ZSCAN4: variants seen among roughly 807,000 people sequenced by gnomAD.
ZSCAN4 encodes zinc finger and SCAN domain-containing protein 4.
A neutral mutation model predicts 18.3 loss-of-function variants in ZSCAN4; 18 were observed. That is an observed-to-expected ratio of 0.98 (90% CI 0.68 to 1.46). The LOEUF (loss-of-function observed/expected upper bound fraction) is 1.46. ZSCAN4 is among the 40% of genes most tolerant of loss of function. The probability of loss-of-function intolerance (pLI) is 0.00; values close to 1 mark genes in which losing one functional copy is unlikely to be tolerated. For synonymous variants in ZSCAN4, 193 were observed against 180.3 expected (o/e 1.07, Z -0.57); for missense variants, 498 against 511.4 (o/e 0.97, Z 0.25).
the ZSCAN4 span, among the ~76,000 whole-genome samples, chr19:57,662,309 A>T: frequency 6.6e-6 from 1 of 152,016 alleles, no homozygotes; most frequent in Non-Finnish European, 1.5e-5. Context: ...TCTCAGGATT[A>T]TATCTTTTTA....
At chr19:57,658,886 T>C in the ZSCAN4 span, among the ~76,000 whole-genome samples, 1 of 136,766 alleles carries the variant, frequency 7.3e-6, no homozygotes, top group Non-Finnish European at 1.6e-5. Context: ...CTCTCAAAAA[T>C]ACTCTTCCTT....
chr19:57,673,492 G>C (rs1452947558), intron 2 of ZSCAN4, among the ~76,000 whole-genome samples: 1 of 152,044 alleles, frequency 6.6e-6, no homozygotes, highest in East Asian at 1.9e-4. Flanking sequence ...AAAATTAGCT[G>C]AGTGTGGTGC....
chr19:57,666,254 T>C (rs1242820082), upstream of ZSCAN4, among the ~76,000 whole-genome samples: 3 of 152,038 alleles, frequency 2.0e-5, no homozygotes, highest in Non-Finnish European at 4.4e-5. Flanking sequence ...TTCCACGGGG[T>C]GATCCACGCA....
rs146350637 is a variant in ZSCAN4 at position 57,678,754 on chromosome 19, G to A, written c.1151G>A (p.Arg384Gln). The stretch of plus-strand genomic sequence containing the variant: ...TCCTTCAGCCACAAAACCAACCTGC[G>A]GTCTCATGAGAGAATCCACACAGGA... The change falls in exon 5 of 5, where the codon CGG (arginine) becomes CAG (glutamine). Residue 384 changes from arginine to glutamine, a missense_variant. By Grantham distance (43) the Arg-to-Gln change is conservative. Transcript: ENST00000318203. 63 of 1,613,998 alleles carry A rather than the reference G, an allele frequency of 3.9e-5. No individual in the cohort carries two copies. The South Asian group carries it at 4.6e-4, about 12-fold the overall frequency.
At chr19:57,669,466 C>T (rs539897569) in intron 1 of ZSCAN4, among the ~76,000 whole-genome samples, 3 of 152,208 alleles carry the variant, frequency 2.0e-5, no homozygotes, top group Admixed American at 6.5e-5. Flanking sequence ...CTACCTCTGT[C>T]GCCCAGGCTG....
chr19:57,676,321 G>A (rs1451169523), exon 3 of ZSCAN4: 1 of 1,614,158 alleles, frequency 6.2e-7, no homozygotes, highest in Non-Finnish European at 8.5e-7. Flanking sequence ...TCATATGCAA[G>A]GCAGGAATTG....
chr19:57,677,187 G>C (rs115553429), intron 3 of ZSCAN4, among the ~76,000 whole-genome samples: 2,496 of 152,250 alleles, frequency 0.016, 70 homozygotes, highest in African/African-American at 0.057. Context: ...AATTACGGTA[G>C]ATCCTTATTC....
the ZSCAN4 span, among the ~76,000 whole-genome samples, chr19:57,654,743 C>A: frequency 6.6e-6 from 1 of 152,202 alleles, no homozygotes; most frequent in Non-Finnish European, 1.5e-5. Context: ...TTGAAGGACA[C>A]CTTTTTTCAC....
chr19:57,653,502 T>A, the ZSCAN4 span, among the ~76,000 whole-genome samples: 2 of 151,754 alleles, frequency 1.3e-5, no homozygotes, highest in Non-Finnish European at 2.9e-5. Flanking sequence ...GCAGAATCTA[T>A]CTCCACTTAC....
the ZSCAN4 span, among the ~76,000 whole-genome samples, chr19:57,658,575 T>G: frequency 6.6e-6 from 1 of 152,162 alleles, no homozygotes. Flanking sequence ...GGCTCAGGCC[T>G]GTAATCCCAG....
exon 3 of ZSCAN4, chr19:57,676,280 G>C: frequency 2.5e-6 from 4 of 1,614,162 alleles, no homozygotes; most frequent in Non-Finnish European, 3.4e-6. Flanking sequence ...TCTCAAGAAT[G>C]GTGCTCAATT....
At chr19:57,653,632 A>G in the ZSCAN4 span, among the ~76,000 whole-genome samples, 1 of 152,180 alleles carries the variant, frequency 6.6e-6, no homozygotes, top group African/African-American at 2.4e-5. Context: ...AATAGGGAGG[A>G]AGAACCGAAA....
chr19:57,666,222 G>T (rs9304796), upstream of ZSCAN4, among the ~76,000 whole-genome samples: 52,445 of 152,024 alleles, frequency 0.34, 9,370 homozygotes, highest in Non-Finnish European at 0.39. Context: ...AACATGCTAA[G>T]CTTCGATGCG....
At chr19:57,668,155 C>T (rs988987964), upstream of ZSCAN4, among the ~76,000 whole-genome samples, 10 of 152,056 alleles carry the variant, frequency 6.6e-5, no homozygotes, top group Non-Finnish European at 1.0e-4. Context: ...CCACCCGCCT[C>T]GGCCTCCCAA....
rs200379299 is a variant in ZSCAN4, at chr19:57,672,004, G to GA, written c.-106+1443dup. On this transcript the variant is annotated intron_variant, in intron 2 of 4. Coordinates refer to ENST00000318203, the Ensembl canonical transcript of ZSCAN4. ...AATGTTAACCATATATAAAATTGGA[G>GA]AAAAAACACAAAAATAGCAATGATA... Among the ~76,000 whole-genome samples, 876 of 152,102 alleles carry GA rather than the reference G, an allele frequency of 5.8e-3. 3 individuals carry two copies. Among genetic ancestry groups the GA allele is most frequent in the Non-Finnish European group, 0.01 (680 of 67,976 alleles).
At chr19:57,653,225 C>T in the ZSCAN4 span, among the ~76,000 whole-genome samples, 2 of 151,900 alleles carry the variant, frequency 1.3e-5, no homozygotes, top group African/African-American at 2.4e-5. Flanking sequence ...GAAACCCTGC[C>T]TCTACTAAAA....
intron 2 of ZSCAN4, 80 bp from the exon 3 acceptor site, chr19:57,675,961 T>C: frequency 1.7e-6 from 1 of 580,416 alleles, no homozygotes; most frequent in Non-Finnish European, 3.0e-6. Flanking sequence ...CATAGAGCCA[T>C]GTAGGCCTAA....
exon 5 of ZSCAN4, chr19:57,678,597 A>G: frequency 6.2e-7 from 1 of 1,614,062 alleles, no homozygotes. Flanking sequence ...AGCTCACCAG[A>G]GAAGACACAG....
chr19:57,670,380 G>A lies in ZSCAN4; in HGVS notation c.-293G>A, dbSNP rs1345585835. On this transcript the variant is annotated 5_prime_UTR_variant, in exon 2 of 5. The change creates a premature stop within an existing upstream ORF in the 5' untranslated region. Transcript: ENST00000318203. ...CAATCACTGACATGGAGCTGGGGCT[G>A]GATGAAGATTCCATCAGTAATTCAA... 6.6e-6 allele frequency: 1 copy of A among 150,996 alleles called. No homozygotes were observed. The highest frequency in any genetic ancestry group is 1.5e-5 in the Non-Finnish European group (1 of 67,320). 9.4% of individuals were successfully genotyped at this position (150,996 alleles called of 1,614,324 possible). A position where few individuals can be genotyped will look rare whatever the true frequency, so the allele number is the denominator to read the frequency against.
Sources: gnomAD v4.1 joint callset for allele counts (sites outside exome capture counted in the v4.1 genomes callset) on GRCh38, gnomAD v4.1.1 for gene constraint, MANE v1.5 for transcripts, NCBI Gene and HGNC (gene_info 2026-07-23, HGNC 2026-07-21) for gene names.